The following SMYD3 variants were observed in gnomAD, a reference collection of about 807,000 sequenced individuals.
SMYD3 encodes histone-lysine N-methyltransferase SMYD3.
Under a neutral mutation model 57.7 loss-of-function variants are expected in SMYD3, and 36 were observed. The ratio of observed to expected loss-of-function variants is 0.62; its 90% confidence interval spans 0.48 to 0.82. SMYD3 has a LOEUF of 0.82. Ranked by LOEUF, SMYD3 falls within the 40% of genes least tolerant of loss-of-function variation. The pLI is 0.00. For missense variants in SMYD3, 515 were observed against 538.8 expected (o/e 0.96, Z 0.44); for synonymous variants, 211 against 195.0 (o/e 1.08, Z -0.68).
intron 9 of SMYD3, 125 bp downstream of exon 9, chr1:245,863,674 A>C: frequency 2.5e-6 from 2 of 793,816 alleles, no homozygotes; most frequent in Non-Finnish European, 4.1e-6. Context: ...GTGACCATGG[A>C]ACAGAATGAA....
chr1:245,840,492 G>A (rs1370331842), intron 10 of SMYD3, among the ~76,000 whole-genome samples: 1 of 152,036 alleles, frequency 6.6e-6, no homozygotes, highest in African/African-American at 2.4e-5. Context: ...AAGAGATACT[G>A]CCTGAAGTTG....
At chr1:246,008,283 GCA>G (rs1235979837) in intron 5 of SMYD3, among the ~76,000 whole-genome samples, 2 of 151,224 alleles carry the variant, frequency 1.3e-5, no homozygotes, top group East Asian at 3.9e-4. Context: ...ATCCACAGAC[GCA>G]CAGAGCGGTG....
chr1:246,307,003 C>G (rs568925671), intron 5 of SMYD3, among the ~76,000 whole-genome samples: 1 of 149,006 alleles, frequency 6.7e-6, no homozygotes, highest in Non-Finnish European at 1.5e-5. Flanking sequence ...AAAAAAAAAA[C>G]AACTCAGCTT....
intron 5 of SMYD3, among the ~76,000 whole-genome samples, chr1:246,146,844 A>G (rs2061850509): frequency 6.6e-6 from 1 of 152,120 alleles, no homozygotes; most frequent in Non-Finnish European, 1.5e-5. Context: ...GCAGCTGAAA[A>G]TTTCAAGAAC....
intron 2 of SMYD3, among the ~76,000 whole-genome samples, chr1:246,353,205 T>C (rs1424824359): frequency 6.6e-6 from 1 of 152,214 alleles, no homozygotes; most frequent in African/African-American, 2.4e-5. Context: ...TATTATTGTT[T>C]TGAAATTTCC....
chr1:246,044,300 T>C (rs910682795), intron 5 of SMYD3, among the ~76,000 whole-genome samples: 5 of 152,204 alleles, frequency 3.3e-5, no homozygotes, highest in South Asian at 2.1e-4. Context: ...AACAACTCCA[T>C]GTCCATACAC....
chr1:245,941,642 T>A (rs1438001609), intron 5 of SMYD3, among the ~76,000 whole-genome samples: 1 of 152,170 alleles, frequency 6.6e-6, no homozygotes, highest in Non-Finnish European at 1.5e-5. Flanking sequence ...TGCCTCAGCC[T>A]CCCGAGTAGC....
intron 5 of SMYD3, among the ~76,000 whole-genome samples, chr1:246,195,364 T>C (rs2062814772): frequency 6.6e-6 from 1 of 152,194 alleles, no homozygotes; most frequent in African/African-American, 2.4e-5. Flanking sequence ...TTTGGTTAGA[T>C]TTCCTTTAAA....
chr1:245,844,186 C>A (rs77111290), intron 10 of SMYD3, among the ~76,000 whole-genome samples: 46 of 152,294 alleles, frequency 3.0e-4, no homozygotes, highest in African/African-American at 1.1e-3. Context: ...CCTTCACAGT[C>A]TTTTAACCTT....
intron 5 of SMYD3, among the ~76,000 whole-genome samples, chr1:246,050,989 G>A (rs547322549): frequency 6.6e-6 from 1 of 152,254 alleles, no homozygotes; most frequent in South Asian, 2.1e-4. Context: ...GAGGTAAAAG[G>A]ATGGGCAAAT....
chr1:246,002,511 G>A (rs1329195800), intron 5 of SMYD3, among the ~76,000 whole-genome samples: 1 of 84,730 alleles, frequency 1.2e-5, no homozygotes, highest in Non-Finnish European at 2.5e-5. Flanking sequence ...GTAGAGACGG[G>A]GTTTCACCAT....
At chr1:246,168,678 C>T (rs1256257907) in intron 5 of SMYD3, among the ~76,000 whole-genome samples, 1 of 152,138 alleles carries the variant, frequency 6.6e-6, no homozygotes, top group Admixed American at 6.5e-5. Flanking sequence ...CAGTATATTG[C>T]TGAGAAGTAT....
chr1:246,067,775 G>A lies in SMYD3; in HGVS notation c.532-137838C>T, dbSNP rs554213497. Among the ~76,000 whole-genome samples, 179 of 152,292 alleles carry A rather than the reference G, an allele frequency of 1.2e-3. 1 individual carries two copies. Among genetic ancestry groups the A allele is most frequent in the Non-Finnish European group, 4.4e-4 (30 of 68,038 alleles). On this transcript the variant is annotated intron_variant, in intron 5 of 11. Transcript: ENST00000490107. ...TCTTATTTCCTTTGAATGAGAAGCA[G>A]ACGCATAACAGCAATCTGGAATAGA...
intron 5 of SMYD3, among the ~76,000 whole-genome samples, chr1:246,194,754 A>G (rs1423805572): frequency 1.3e-5 from 2 of 152,264 alleles, no homozygotes; most frequent in Non-Finnish European, 2.9e-5. Flanking sequence ...TTGATACATG[A>G]AAACGGCTAC....
intron 1 of SMYD3, among the ~76,000 whole-genome samples, chr1:246,402,414 T>A (rs768972758): frequency 1.3e-5 from 2 of 150,132 alleles, no homozygotes; most frequent in Non-Finnish European, 3.0e-5. Context: ...ACGTGATACC[T>A]CTGTGATTTC....
At chr1:246,378,835 TA>T (rs1171190764) in intron 1 of SMYD3, among the ~76,000 whole-genome samples, 28 of 118,122 alleles carry the variant, frequency 2.4e-4, no homozygotes, top group Non-Finnish European at 3.8e-4. Context: ...ATAGTATATA[TA>T]ATTATATATA....
At chr1:245,966,355 G>A (rs1308419913) in intron 5 of SMYD3, among the ~76,000 whole-genome samples, 1 of 152,100 alleles carries the variant, frequency 6.6e-6, no homozygotes, top group Non-Finnish European at 1.5e-5. Flanking sequence ...TCTTCGTAGA[G>A]ATGAGGTCTC....
chr1:246,378,504 G>GCTTCCT (rs568317356), intron 1 of SMYD3, among the ~76,000 whole-genome samples: 30 of 150,948 alleles, frequency 2.0e-4, no homozygotes, highest in African/African-American at 6.6e-4. Context: ...CCCATGCAAT[G>GCTTCCT]CTTCCTGCCC....
chr1:245,923,973 A>C (rs2056177397), intron 7 of SMYD3, among the ~76,000 whole-genome samples: 1 of 152,258 alleles, frequency 6.6e-6, no homozygotes, highest in Non-Finnish European at 1.5e-5. Context: ...AGACTGTCTT[A>C]ATCCCAAAAG....
Sources: gnomAD v4.1 joint callset for allele counts (sites outside exome capture counted in the v4.1 genomes callset) on GRCh38, gnomAD v4.1.1 for gene constraint, MANE v1.5 for transcripts, NCBI Gene and HGNC (gene_info 2026-07-23, HGNC 2026-07-21) for gene names.